The following TOGARAM2 variants were observed in gnomAD, a reference collection of about 807,000 sequenced individuals.
The protein encoded by TOGARAM2 is TOG array regulator of axonemal microtubules protein 2.
TOGARAM2 carries 85 observed loss-of-function variants against 93.3 expected under a neutral mutation model. The observed-to-expected ratio is 0.91, with a 90% CI of 0.76 to 1.09. TOGARAM2 has a LOEUF of 1.09. Among genes scored for constraint, TOGARAM2 ranks in the 50% least tolerant of loss-of-function variants. The pLI, the probability that TOGARAM2 is intolerant of heterozygous loss-of-function variation, is 0.00. For missense variants in TOGARAM2, 1,277 were observed against 1,334.5 expected, an observed-to-expected ratio of 0.96 and a Z score of 0.67; for synonymous variants, 593 against 552.8, an observed-to-expected ratio of 1.07 and a Z score of -1.02.
In TOGARAM2 at chr2:29,033,313, C is replaced by G. The variant is rs367720125; in HGVS notation, c.2131-156C>G. The G allele has an allele frequency of 6.8e-5, 51 of 750,202 alleles. No individual in the cohort carries two copies. The African/African-American group carries it at 8.4e-4, about 12-fold the overall frequency. The allele number at this position is 750,202 out of a possible 1,614,324, so 46.5% of individuals were successfully genotyped here. A position where few individuals can be genotyped will look rare whatever the true frequency, so the allele number is the denominator to read the frequency against. ...TTAACCAGGGATCTTGATCTCTGCC[C>G]CAGCTGCTTTCAGGGCTCTGGAAGG... On this transcript the variant is annotated intron_variant, in intron 15 of 19. Transcript: ENST00000379558.
intron 6 of TOGARAM2, among the ~76,000 whole-genome samples, chr2:29,005,877 G>T (rs1031030736): frequency 2.0e-5 from 3 of 149,776 alleles, no homozygotes; most frequent in African/African-American, 4.9e-5. Flanking sequence ...AGTGCATGTT[G>T]TGAGTGCATG....
chr2:29,035,399 C>A, intron 16 of TOGARAM2, 65 bp from the exon 17 acceptor site: 1 of 1,269,182 alleles, frequency 7.9e-7, no homozygotes, highest in Non-Finnish European at 1.0e-6. Context: ...TGGCATGGGA[C>A]CAGAAGTGGG....
intron 1 of TOGARAM2, among the ~76,000 whole-genome samples, chr2:28,992,522 C>T (rs959123906): frequency 1.3e-5 from 2 of 152,036 alleles, no homozygotes; most frequent in African/African-American, 2.4e-5. Flanking sequence ...GAGGAGGCTA[C>T]GGTGGGAAAA....
intron 13 of TOGARAM2, among the ~76,000 whole-genome samples, chr2:29,024,979 C>A (rs17007459): frequency 0.14 from 21,468 of 152,150 alleles, 2,283 homozygotes; most frequent in African/African-American, 0.3. Context: ...TGTCATTAAA[C>A]ACCCACACTA....
chr2:29,022,756 C>A (rs1401694373), intron 11 of TOGARAM2, among the ~76,000 whole-genome samples: 1 of 152,220 alleles, frequency 6.6e-6, no homozygotes, highest in Non-Finnish European at 1.5e-5. Context: ...GCCCTCCCTG[C>A]CTTCAGTCCT....
chr2:29,040,906 A>G (rs1666394214), intron 18 of TOGARAM2, among the ~76,000 whole-genome samples: 1 of 151,886 alleles, frequency 6.6e-6, no homozygotes, highest in South Asian at 2.1e-4. Context: ...TACCCTTCCT[A>G]TTAATAGGGG....
rs747645749 is a variant in TOGARAM2 at position 29,022,324 on chromosome 2, C to T, written c.1511+16C>T. The T allele has an allele frequency of 5.6e-6, 9 of 1,613,516 alleles. No homozygotes were observed. The highest frequency in any genetic ancestry group is 2.2e-5 in the South Asian group (2 of 91,042). On this transcript the variant is annotated intron_variant, in intron 11 of 19. Coordinates refer to ENST00000379558, the MANE Select transcript of TOGARAM2 (RefSeq NM_199280.4). ...GCAGTGACTGGTGAGGAGATGCTTC[C>T]ACCACGTGCTGTGTTCTGGCCGGAA...
intron 10 of TOGARAM2, among the ~76,000 whole-genome samples, chr2:29,019,222 C>T (rs1303977807): frequency 2.0e-5 from 3 of 148,278 alleles, no homozygotes; most frequent in Non-Finnish European, 4.4e-5. Flanking sequence ...ACTCTGTCGC[C>T]CAGGCTGGAG....
chr2:28,974,333 G>A (rs1052472508), intron 1 of TOGARAM2, among the ~76,000 whole-genome samples: 4 of 151,960 alleles, frequency 2.6e-5, no homozygotes, highest in African/African-American at 4.8e-5. Context: ...TCACCATGTT[G>A]GTCAGGCTGG....
chr2:28,968,330 A>G (rs147867803), intron 1 of TOGARAM2, among the ~76,000 whole-genome samples: 11 of 152,124 alleles, frequency 7.2e-5, no homozygotes, highest in Non-Finnish European at 1.5e-4. Context: ...AACACAGCAA[A>G]TTCTACATTT....
chr2:29,022,397 C>T lies in TOGARAM2; in HGVS notation c.1511+89C>T, dbSNP rs971546009. ...TTCTGCCCCTCAACTTCCCTCCTCT[C>T]CCACTCTGGGGTTCCAGCACCATGG... On this transcript the variant is annotated intron_variant, in intron 11 of 19. Coordinates refer to ENST00000379558, the MANE Select transcript of TOGARAM2 (RefSeq NM_199280.4). 2.0e-6 allele frequency: 3 copies of T among 1,530,290 alleles called. No individual in the cohort carries two copies. The African/African-American group carries it at 4.1e-5, about 21-fold the overall frequency. The allele number at this position is 1,530,290 out of a possible 1,614,324, so 94.8% of individuals were successfully genotyped here. A position where few individuals can be genotyped will look rare whatever the true frequency, so the allele number is the denominator to read the frequency against.
At chr2:29,007,029 C>A (rs1312476904) in intron 6 of TOGARAM2, among the ~76,000 whole-genome samples, 3 of 152,190 alleles carry the variant, frequency 2.0e-5, no homozygotes, top group Non-Finnish European at 4.4e-5. Context: ...ACCTTCCAGG[C>A]AGCTTCCTGT....
In TOGARAM2 at chr2:29,017,316, C is replaced by G; in HGVS notation, c.1195+12C>G. On this transcript the variant is annotated intron_variant, in intron 9 of 19. Coordinates refer to ENST00000379558, the MANE Select transcript of TOGARAM2 (RefSeq NM_199280.4). ...CTTCATGAAGGAAGGTACTGGGTGC[C>G]TGGTGTGGGATTTGCTCAGGCCTGG... is the stretch of plus-strand genomic sequence containing the variant. 6.3e-7 allele frequency: 1 copy of G among 1,583,962 alleles called. No homozygotes were observed.
intron 18 of TOGARAM2, among the ~76,000 whole-genome samples, chr2:29,038,489 T>C (rs1460610601): frequency 6.6e-6 from 1 of 152,206 alleles, no homozygotes; most frequent in African/African-American, 2.4e-5. Flanking sequence ...TTTTTGTTTT[T>C]TCGAGATGGA....
At chr2:29,040,454 A>T (rs1278392313) in intron 18 of TOGARAM2, among the ~76,000 whole-genome samples, 1 of 152,218 alleles carries the variant, frequency 6.6e-6, no homozygotes, top group Non-Finnish European at 1.5e-5. Flanking sequence ...ACATTTGTGT[A>T]CATGGTTGTT....
At chr2:29,004,491 TGTAA>T (rs1007295047) in intron 6 of TOGARAM2, among the ~76,000 whole-genome samples, 49 of 152,306 alleles carry the variant, frequency 3.2e-4, no homozygotes, top group Admixed American at 3.2e-3. Flanking sequence ...GGTTATGGCT[TGTAA>T]GTAAGACAGT....
intron 18 of TOGARAM2, among the ~76,000 whole-genome samples, 186 bp downstream of exon 18, chr2:29,036,943 C>T (rs1000536374): frequency 5.3e-5 from 8 of 152,166 alleles, no homozygotes; most frequent in Admixed American, 4.6e-4. Context: ...ATGTCACAGC[C>T]ACCCACACCT....
intron 19 of TOGARAM2, chr2:29,050,213 CTG>C (rs1380831421): frequency 2.0e-5 from 3 of 152,124 alleles, no homozygotes; most frequent in Admixed American, 6.6e-5. Context: ...AAAAAAATAA[CTG>C]AGCGTGGAGG....
intron 18 of TOGARAM2, among the ~76,000 whole-genome samples, chr2:29,041,778 A>G (rs753632457): frequency 5.3e-5 from 8 of 152,230 alleles, no homozygotes; most frequent in Non-Finnish European, 1.2e-4. Context: ...GGAAAGCACC[A>G]GGTTAGGCTA....
Sources: allele counts gnomAD v4.1 joint callset (sites outside exome capture counted in the v4.1 genomes callset), GRCh38; gene constraint gnomAD v4.1.1; transcripts MANE v1.5; gene names NCBI Gene and HGNC (gene_info 2026-07-23, HGNC 2026-07-21).